Variants in DHTKD1 observed in about 807,000 individuals in gnomAD.
The protein encoded by DHTKD1 is dehydrogenase E1 and transketolase domain containing 1.
Under a neutral mutation model 101.8 loss-of-function variants are expected in DHTKD1, and 78 were observed. The observed-to-expected ratio is 0.77, with a 90% confidence interval of 0.64 to 0.93. The LOEUF is 0.93. Among genes scored for constraint, DHTKD1 ranks in the 40% least tolerant of loss-of-function variants. The pLI is 0.00. For synonymous variants in DHTKD1, 462 were observed against 450.3 expected (o/e 1.03, Z -0.33); for missense variants, 1,223 against 1,161.7 (o/e 1.05, Z -0.77).
At position 12,121,347 on chromosome 10, in the gene DHTKD1, C is replaced by G. The variant is rs80309553; in HGVS notation, c.*459C>G. 2,923 of 158,458 alleles carry G rather than the reference C, an allele frequency of 0.018. 84 individuals are homozygous for G. Among genetic ancestry groups the G allele is most frequent in the African/African-American group, 0.066 (2,759 of 41,528 alleles). The allele number at this position is 158,458 out of a possible 1,614,324, so 9.8% of individuals were successfully genotyped here. On this transcript the variant is annotated 3_prime_UTR_variant, in exon 17 of 17. Coordinates refer to ENST00000263035, the MANE Select transcript of DHTKD1 (RefSeq NM_018706.7). ...GGATTGATATACGTGATTTAATCTG[C>G]AATAGGTGGAATAACCAGGGGAACT... is the stretch of plus-strand genomic sequence containing the variant.
intron 10 of DHTKD1, among the ~76,000 whole-genome samples, chr10:12,105,513 T>G (rs917667640): frequency 6.6e-6 from 1 of 152,020 alleles, no homozygotes; most frequent in African/African-American, 2.4e-5. Context: ...AGATGGGGTT[T>G]TGCCATGTTG....
intron 1 of DHTKD1, among the ~76,000 whole-genome samples, chr10:12,072,739 C>G (rs1588599320): frequency 7.1e-6 from 1 of 140,824 alleles, no homozygotes; most frequent in Admixed American, 7.2e-5. Flanking sequence ...GGTGTTCTTC[C>G]TTTTTTTTTT....
intron 6 of DHTKD1, among the ~76,000 whole-genome samples, chr10:12,092,567 G>A (rs747033062): frequency 6.6e-6 from 1 of 151,992 alleles, no homozygotes; most frequent in Non-Finnish European, 1.5e-5. Flanking sequence ...ACTTTGGGAG[G>A]CTAAGGCAGG....
At chr10:12,096,992 T>G (rs1345161682) in intron 7 of DHTKD1, among the ~76,000 whole-genome samples, 3 of 152,330 alleles carry the variant, frequency 2.0e-5, no homozygotes, top group East Asian at 3.9e-4. Context: ...AGACAAAAAC[T>G]TATAAATTTG....
chr10:12,091,976 T>G (rs1588609688), intron 6 of DHTKD1, among the ~76,000 whole-genome samples: 1 of 150,988 alleles, frequency 6.6e-6, no homozygotes, highest in Admixed American at 6.6e-5. Flanking sequence ...GGCTAATTTT[T>G]TTTTTTTTTT....
At chr10:12,072,461 CAATAAATAAATAAATAAATAAATAAATA>C (rs71382613) in intron 1 of DHTKD1, among the ~76,000 whole-genome samples, 68,180 of 148,396 alleles carry the variant, frequency 0.46, 16,795 homozygotes, top group South Asian at 0.71. Context: ...GACTCTGTCT[CAATAAATAAATAAATAAATAAATAAATA>C]AATAAATAAA....
chr10:12,113,130 T>C, intron 13 of DHTKD1, 66 bp downstream of exon 13: 1 of 1,330,768 alleles, frequency 7.5e-7, no homozygotes, highest in Non-Finnish European at 1.0e-6. Flanking sequence ...TTTTCCCTAT[T>C]TTCCATATCT....
In DHTKD1 at chr10:12,107,196, C is replaced by T. The variant is rs907392545; in HGVS notation, c.2048-713C>T. On this transcript the variant is annotated intron_variant, in intron 11 of 16. Coordinates refer to ENST00000263035, the MANE Select transcript of DHTKD1 (RefSeq NM_018706.7). The surrounding 1 kb of genome is among the most constrained non-coding windows in gnomAD (Gnocchi z 4.1). ...AGAGATGGGGTTTCACCGTGTCAGC[C>T]GGGATGGTCTCGTTCTCCTGACCTC... Among the ~76,000 whole-genome samples, 1 of 151,858 alleles carries T rather than the reference C, an allele frequency of 6.6e-6. No individual in the cohort carries two copies. The highest frequency in any genetic ancestry group is 1.5e-5 in the Non-Finnish European group (1 of 67,974).
At chr10:12,108,671 T>C (rs2131621447) in intron 12 of DHTKD1, among the ~76,000 whole-genome samples, 1 of 152,316 alleles carries the variant, frequency 6.6e-6, no homozygotes, top group East Asian at 1.9e-4. Flanking sequence ...GCATGTTATT[T>C]CCTTATAGTT....
At position 12,118,540 on chromosome 10, in the gene DHTKD1, G is replaced by A. The variant is rs574612641; in HGVS notation, c.2403-209G>A. On this transcript the variant is annotated intron_variant, in intron 14 of 16. Transcript: ENST00000263035. Reference sequence around the variant, plus strand: ...TGGGACTACAGGTGCCCGCCAGTACGCCCGGCTAATTTTTTGTATTTTTAG... The same window carrying A: ...TGGGACTACAGGTGCCCGCCAGTACACCCGGCTAATTTTTTGTATTTTTAG... 7.8e-3 allele frequency among the ~76,000 whole-genome samples: 1,192 copies of A among 151,994 alleles called. 19 individuals carry two copies. The highest frequency in any genetic ancestry group is 0.027 in the African/African-American group (1,133 of 41,436).
chr10:12,111,045 CAAAA>C (rs35420105), intron 12 of DHTKD1, among the ~76,000 whole-genome samples: 3 of 100,752 alleles, frequency 3.0e-5, no homozygotes, highest in African/African-American at 4.0e-5. Flanking sequence ...GACCCTGTCT[CAAAA>C]AAAAAAAAAA....
intron 16 of DHTKD1, 28 bp from the exon 17 acceptor site, chr10:12,120,759 T>C: frequency 1.3e-6 from 2 of 1,593,590 alleles, no homozygotes; most frequent in Non-Finnish European, 1.7e-6. Context: ...CAAAATGTCA[T>C]TTTATTTCTT....
Position 12,121,103 on chromosome 10 carries a change from C to A in DHTKD1, c.*215C>A. ...GGTGTGGTGGTGGGCACCTGTGATC[C>A]CAGCTTCCTGGGAGGCTGAGGCAAG... On this transcript the variant is annotated 3_prime_UTR_variant, in exon 17 of 17. Coordinates refer to ENST00000263035, the MANE Select transcript of DHTKD1 (RefSeq NM_018706.7). 1 of 423,108 alleles carries A rather than the reference C, an allele frequency of 2.4e-6. No individual in the cohort carries two copies. The allele number at this position is 423,108 out of a possible 1,614,324, so 26.2% of individuals were successfully genotyped here.
In DHTKD1 at chr10:12,091,688, C is replaced by G. The variant is rs376431681; in HGVS notation, c.1159+4C>G. 2 of 1,612,548 alleles carry G rather than the reference C, an allele frequency of 1.2e-6. No individual in the cohort carries two copies. Among genetic ancestry groups the G allele is most frequent in the East Asian group, 2.2e-5 (1 of 44,742 alleles). Reference sequence around the variant, plus strand: ...TCTTTATACTGCAGTGATATTGGTACGTAACACAGGGAGGAACTGATATTG... The same window carrying G: ...TCTTTATACTGCAGTGATATTGGTAGGTAACACAGGGAGGAACTGATATTG... On this transcript the variant is annotated splice_donor_region_variant and intron_variant, in intron 6 of 16. Coordinates refer to ENST00000263035, the MANE Select transcript of DHTKD1 (RefSeq NM_018706.7).
chr10:12,100,001 G>T (rs905841112), intron 8 of DHTKD1, among the ~76,000 whole-genome samples, 177 bp from the exon 9 acceptor site: 3 of 151,768 alleles, frequency 2.0e-5, no homozygotes, highest in African/African-American at 7.3e-5. Flanking sequence ...TCACCATGTT[G>T]TCCAGGCTGG....
At chr10:12,117,645 T>G in intron 13 of DHTKD1, 28 bp from the exon 14 acceptor site, 9 of 1,383,154 alleles carry the variant, frequency 6.5e-6, no homozygotes, top group Non-Finnish European at 9.2e-6. Context: ...TGTTGCTTGC[T>G]GGATGTGTGG....
intron 12 of DHTKD1, among the ~76,000 whole-genome samples, chr10:12,109,007 C>T (rs1180430551): frequency 2.6e-5 from 4 of 151,964 alleles, no homozygotes; most frequent in Non-Finnish European, 5.9e-5. Flanking sequence ...CAAAAATTAG[C>T]CATGTGTAGT....
In DHTKD1 at chr10:12,100,254, T is replaced by A. The variant is rs1359890304; in HGVS notation, c.1748T>A (p.Leu583His). 11 of 1,478,772 alleles carry A rather than the reference T, an allele frequency of 7.4e-6. No homozygotes were observed. Among genetic ancestry groups the A allele is most frequent in the Non-Finnish European group, 1.0e-5 (11 of 1,086,368 alleles). The allele number at this position is 1,478,772 out of a possible 1,614,324, so 91.6% of individuals were successfully genotyped here. Residue 583 changes from leucine to histidine, a missense_variant, in exon 9 of 17, where the codon CTT (leucine) becomes CAT (histidine). Physicochemically the swap from Leu to His is moderately conservative, Grantham distance 99. Transcript: ENST00000263035. ...TAEALALGSL[L>H]AQGFNVRLSG... ...GAAGCTCTTGCCTTGGGTTCTTTACTTGCTCAAGGTAAGAATTTTCTTTTT... is the reference window on the plus strand; with the variant it reads ...GAAGCTCTTGCCTTGGGTTCTTTACATGCTCAAGGTAAGAATTTTCTTTTT...
chr10:12,112,500 GCACACACA>G (rs141598482), intron 12 of DHTKD1, among the ~76,000 whole-genome samples: 57,440 of 150,918 alleles, frequency 0.38, 11,577 homozygotes, highest in East Asian at 0.51. Context: ...AAGCACGCGT[GCACACACA>G]CACACACACA....
Sources: allele counts gnomAD v4.1 joint callset (sites outside exome capture counted in the v4.1 genomes callset), GRCh38; gene constraint gnomAD v4.1.1; non-coding constraint Gnocchi (gnomAD v3.1); transcripts MANE v1.5; gene names NCBI Gene and HGNC (gene_info 2026-07-23, HGNC 2026-07-21).